VIPR1: variants seen among roughly 807,000 people sequenced by gnomAD.
The protein encoded by VIPR1 is vasoactive intestinal polypeptide receptor 1.
VIPR1 carries 59 observed loss-of-function variants against 58.8 expected under a neutral mutation model. That is an observed-to-expected ratio of 1.00 (90% CI 0.81 to 1.25). VIPR1 has a LOEUF of 1.25. Ranked by LOEUF, VIPR1 falls within the 50% of genes most tolerant of loss-of-function variation. The pLI is 0.00. For synonymous variants in VIPR1, 251 were observed against 242.1 expected (o/e 1.04, Z -0.34); for missense variants, 626 against 602.7 (o/e 1.04, Z -0.40).
At chr3:42,504,220 A>G (rs1700005869) in intron 1 of VIPR1, among the ~76,000 whole-genome samples, 1 of 152,048 alleles carries the variant, frequency 6.6e-6, no homozygotes, top group South Asian at 2.1e-4. Flanking sequence ...TGAACCGGGG[A>G]TCTTGGGACC....
upstream of VIPR1, among the ~76,000 whole-genome samples, chr3:42,497,812 T>C (rs371283623): frequency 6.6e-6 from 1 of 152,222 alleles, no homozygotes; most frequent in East Asian, 1.9e-4. Context: ...TCTGCCATGA[T>C]TGTGAGGCCT....
Position 42,502,763 on chromosome 3 carries a change from C to T in VIPR1, c.28C>T (p.Arg10Cys). 1.5e-6 allele frequency: 2 copies of T among 1,305,128 alleles called. No individual in the cohort carries two copies. The highest frequency in any genetic ancestry group is 1.9e-6 in the Non-Finnish European group (2 of 1,030,048). 80.8% of individuals were successfully genotyped at this position (1,305,128 alleles called of 1,614,324 possible). Reference sequence around the variant, plus strand: ...GCGCCCGCCAAGTCCGCTGCCCGCCCGCTGGCTATGCGTGCTGGCAGGCGC... The same window carrying T: ...GCGCCCGCCAAGTCCGCTGCCCGCCTGCTGGCTATGCGTGCTGGCAGGCGC... MRPPSPLPA[R>C]WLCVLAGALA... Residue 10 changes from arginine to cysteine, a missense_variant, in exon 1 of 13, where the codon CGC becomes TGC. Physicochemically the swap from Arg to Cys is radical, Grantham distance 180 (BLOSUM62 -3). Transcript: ENST00000325123.
intron 2 of VIPR1, among the ~76,000 whole-genome samples, chr3:42,517,668 T>C (rs1486600648): frequency 6.6e-6 from 1 of 152,188 alleles, no homozygotes; most frequent in Non-Finnish European, 1.5e-5. Flanking sequence ...TGGGGGAATC[T>C]GTGTTGTTCA....
chr3:42,535,156 C>A (rs1299422655), intron 11 of VIPR1, 52 bp downstream of exon 11: 3 of 1,612,512 alleles, frequency 1.9e-6, no homozygotes, highest in South Asian at 1.1e-5. Context: ...TAAGGGAATT[C>A]AACCTGGAGT....
chr3:42,521,232 C>T (rs1299097563), intron 3 of VIPR1: 2 of 152,152 alleles, frequency 1.3e-5, no homozygotes, highest in Admixed American at 1.3e-4. Context: ...TGCCTTTGGA[C>T]TGACAAGAAA....
intron 9 of VIPR1, 69 bp downstream of exon 9, chr3:42,531,938 C>A (rs1701579165): frequency 6.4e-7 from 1 of 1,565,280 alleles, no homozygotes; most frequent in East Asian, 2.2e-5. Context: ...AGCCCAAGGT[C>A]ACATGGGAAA....
In VIPR1 at chr3:42,525,891, C is replaced by T. The variant is rs560557039; in HGVS notation, c.297C>T (p.Arg99=). Residue 99 remains arginine, a synonymous_variant, in exon 4 of 13, where the codon CGC becomes CGT. Transcript: ENST00000325123. ...IFKLFSSIQG[R]NVSRSCTDEG... is the part of the protein sequence containing the mutation. Reference sequence around the variant, plus strand: ...TTGCCCCTGCCCTCCACCCAGGCCGCAATGTAAGCCGCAGCTGCACCGACG... The same window carrying T: ...TTGCCCCTGCCCTCCACCCAGGCCGTAATGTAAGCCGCAGCTGCACCGACG... The T allele has an allele frequency of 6.2e-7, 1 of 1,609,490 alleles. No homozygotes were observed. The highest frequency in any genetic ancestry group is 1.3e-5 in the African/African-American group (1 of 74,988).
intron 1 of VIPR1, among the ~76,000 whole-genome samples, chr3:42,495,367 C>T (rs927808809): frequency 6.6e-6 from 1 of 152,120 alleles, no homozygotes; most frequent in Admixed American, 6.5e-5. Flanking sequence ...GTGATCTGCC[C>T]TCCTTGGCCT....
At chr3:42,501,278 G>A (rs140221480), upstream of VIPR1, among the ~76,000 whole-genome samples, 1 of 151,810 alleles carries the variant, frequency 6.6e-6, no homozygotes, top group Admixed American at 6.5e-5. The surrounding 1 kb of genome is among the most constrained non-coding windows in gnomAD (Gnocchi z 4.8). Context: ...GCATCCCAAC[G>A]TTCCCTCTCT....
chr3:42,527,368 G>A (rs991336776), intron 4 of VIPR1, 25 bp from the exon 5 acceptor site: 5 of 1,581,150 alleles, frequency 3.2e-6, no homozygotes, highest in Non-Finnish European at 4.3e-6. Context: ...CACCACCCAA[G>A]AGCCTCTCCC....
chr3:42,506,523 CTTTTTTTCT>C (rs1362116633), intron 1 of VIPR1: 5 of 152,234 alleles, frequency 3.3e-5, no homozygotes, highest in East Asian at 1.9e-4. Flanking sequence ...GAAGTATTTC[CTTTTTTTCT>C]TTTTTTTCTT....
Position 42,519,349 on chromosome 3 carries a change from A to G in VIPR1, c.292+19A>G, listed in dbSNP as rs1291860612. ...ATTCAAGGTAAGACCCCTGGGTTGAAGAGGTGATGTGAGTGGGGCCGGCTG... is the reference window on the plus strand; with the variant it reads ...ATTCAAGGTAAGACCCCTGGGTTGAGGAGGTGATGTGAGTGGGGCCGGCTG... On this transcript the variant is annotated intron_variant, in intron 3 of 12. Coordinates refer to ENST00000325123, the MANE Select transcript of VIPR1 (RefSeq NM_004624.4). 1 of 1,586,580 alleles carries G rather than the reference A, an allele frequency of 6.3e-7. No homozygotes were observed. Among genetic ancestry groups the G allele is most frequent in the African/African-American group, 1.4e-5 (1 of 73,594 alleles).
intron 2 of VIPR1, chr3:42,516,967 A>T (rs1185726896): frequency 6.6e-6 from 1 of 152,250 alleles, no homozygotes; most frequent in Non-Finnish European, 1.5e-5. Context: ...GGTTTGACTG[A>T]CCTGAAGTGC....
chr3:42,496,279 GCAGAGGTAACTAATAA>G (rs1210053260), intron 1 of VIPR1, among the ~76,000 whole-genome samples: 1 of 152,082 alleles, frequency 6.6e-6, no homozygotes, highest in Non-Finnish European at 1.5e-5. Flanking sequence ...CCCTCTCTTT[GCAGAGGTAACTAATAA>G]CATGTCTTTG....
rs887536695 is a variant in VIPR1, at chr3:42,530,556, T to C, written c.637-223T>C. 6 of 532,690 alleles carry C rather than the reference T, an allele frequency of 1.1e-5. No homozygotes were observed. The South Asian group carries it at 1.4e-4, about 12-fold the overall frequency. 33.0% of individuals were successfully genotyped at this position (532,690 alleles called of 1,614,324 possible). Reference sequence around the variant, plus strand: ...ATGGGAAGGTGAATAGATGAATTGATGGATGGATAATTAAAATCACCAGTT... The same window carrying C: ...ATGGGAAGGTGAATAGATGAATTGACGGATGGATAATTAAAATCACCAGTT... On this transcript the variant is annotated intron_variant, in intron 6 of 12. Transcript: ENST00000325123.
At chr3:42,489,829 G>A (rs1479471481) in intron 1 of VIPR1, among the ~76,000 whole-genome samples, 1 of 152,070 alleles carries the variant, frequency 6.6e-6, no homozygotes, top group African/African-American at 2.4e-5. Flanking sequence ...ATGGCCCTCC[G>A]CTGGTGGCCA....
rs186683629 is a variant in VIPR1, at chr3:42,530,638, A to C, written c.637-141A>C. On this transcript the variant is annotated intron_variant, in intron 6 of 12. Coordinates refer to ENST00000325123, the MANE Select transcript of VIPR1 (RefSeq NM_004624.4). ...GGAAAATGGGAAAACCAATGAGTAC[A>C]TTTTTAAGGGGATAATGCAAAACAA... 5.1e-5 allele frequency: 52 copies of C among 1,011,944 alleles called. No homozygotes were observed. In the Admixed American group the frequency reaches 1.0e-3, roughly 20 times the overall value. The allele number at this position is 1,011,944 out of a possible 1,614,324, so 62.7% of individuals were successfully genotyped here. A position where few individuals can be genotyped will look rare whatever the true frequency, so the allele number is the denominator to read the frequency against.
At position 42,536,933 on chromosome 3, in the gene VIPR1, T is replaced by C. The variant is rs779957211; in HGVS notation, c.*652T>C. On this transcript the variant is annotated 3_prime_UTR_variant, in exon 13 of 13. Coordinates refer to ENST00000325123, the MANE Select transcript of VIPR1 (RefSeq NM_004624.4). ...TGGACTGGCCCCTGGGTCAGTCTGG[T>C]GGGAGGACGGTGCAACCCAAGGACT... 2.6e-5 allele frequency: 4 copies of C among 152,166 alleles called. No homozygotes were observed. Among genetic ancestry groups the C allele is most frequent in the African/African-American group, 9.7e-5 (4 of 41,436 alleles). 9.4% of individuals were successfully genotyped at this position (152,166 alleles called of 1,614,324 possible).
At chr3:42,526,949 G>A (rs1000852192) in intron 4 of VIPR1, among the ~76,000 whole-genome samples, 15 of 152,064 alleles carry the variant, frequency 9.9e-5, no homozygotes, top group Non-Finnish European at 1.3e-4. Context: ...TCGACATCCC[G>A]CAACCTCGCA....
Sources: gnomAD v4.1 joint callset for allele counts (sites outside exome capture counted in the v4.1 genomes callset) on GRCh38, gnomAD v4.1.1 for gene constraint, Gnocchi (gnomAD v3.1) non-coding constraint, MANE v1.5 for transcripts, NCBI Gene and HGNC (gene_info 2026-07-23, HGNC 2026-07-21) for gene names.